The following VPS13B variants were observed in gnomAD, a reference collection of about 807,000 sequenced individuals.
The protein encoded by VPS13B is vacuolar protein sorting 13 homolog B.
VPS13B carries 285 observed loss-of-function variants against 426.4 expected under a neutral mutation model. The observed-to-expected ratio is 0.67, with a 90% CI of 0.61 to 0.74. VPS13B has a LOEUF of 0.74. Among genes scored for constraint, VPS13B ranks in the 30% least tolerant of loss-of-function variants. VPS13B has a pLI of 0.00. For synonymous variants in VPS13B, 1,676 were observed against 1,676.4 expected (o/e 1.00, Z 0.01); for missense variants, 4,537 against 4,782.6 (o/e 0.95, Z 1.51).
chr8:99,248,602 C>T (rs866422333), intron 17 of VPS13B, among the ~76,000 whole-genome samples: 7 of 152,120 alleles, frequency 4.6e-5, no homozygotes, highest in Middle Eastern at 3.4e-3. Flanking sequence ...CTATATTTCT[C>T]GTTTTTGACA....
intron 33 of VPS13B, among the ~76,000 whole-genome samples, chr8:99,586,672 A>G (rs1183851183): frequency 6.6e-6 from 1 of 152,176 alleles, no homozygotes; most frequent in Non-Finnish European, 1.5e-5. Flanking sequence ...TATTTTGCAC[A>G]TCTTTGAAAG....
chr8:99,570,479 C>T (rs1296171777), intron 31 of VPS13B, among the ~76,000 whole-genome samples: 1 of 151,946 alleles, frequency 6.6e-6, no homozygotes, highest in Non-Finnish European at 1.5e-5. Context: ...ATGTCTTTAA[C>T]TTTAGTAACT....
intron 35 of VPS13B, among the ~76,000 whole-genome samples, chr8:99,691,919 A>G (rs928509991): frequency 6.9e-4 from 104 of 151,202 alleles, no homozygotes; most frequent in Non-Finnish European, 1.0e-3. Flanking sequence ...CAGACTTTAA[A>G]CCAACAAAGA....
chr8:99,058,186 A>G (rs1052502327), intron 3 of VPS13B, among the ~76,000 whole-genome samples: 11 of 151,984 alleles, frequency 7.2e-5, no homozygotes, highest in African/African-American at 2.7e-4. Context: ...GTAGTGTGGA[A>G]TTTTCCAGAG....
chr8:99,373,346 A>G (rs934868623), intron 19 of VPS13B, among the ~76,000 whole-genome samples: 9 of 152,050 alleles, frequency 5.9e-5, no homozygotes, highest in Non-Finnish European at 8.8e-5. Flanking sequence ...AAAAAAGAAA[A>G]AGAAGTTCTG....
At chr8:99,040,404 A>C (rs1052441153) in intron 3 of VPS13B, among the ~76,000 whole-genome samples, 7 of 152,196 alleles carry the variant, frequency 4.6e-5, no homozygotes, top group African/African-American at 1.7e-4. Flanking sequence ...TATTTTTTAC[A>C]GATGTTTAAA....
chr8:99,745,970 A>G (rs1162746126), intron 39 of VPS13B, among the ~76,000 whole-genome samples: 1 of 152,054 alleles, frequency 6.6e-6, no homozygotes, highest in Non-Finnish European at 1.5e-5. Context: ...TTGAATAAGG[A>G]TCCCGCTGAG....
intron 22 of VPS13B, among the ~76,000 whole-genome samples, chr8:99,440,591 A>C (rs956783931): frequency 6.6e-6 from 1 of 152,148 alleles, no homozygotes; most frequent in Non-Finnish European, 1.5e-5. Context: ...TCATTAAAGG[A>C]ACTCTCACAA....
At position 99,875,529 on chromosome 8, in the gene VPS13B, T is replaced by C; in HGVS notation, c.11857T>C (p.Cys3953Arg). The part of the protein sequence containing the change: ...APSCSSMQIP[C>R]PVVAAEPPPS... ...CAGCTGTTCTTCCATGCAAATACCA[T>C]GCCCTGTGGTGGCTGCAGAACCTCC... Residue 3953 changes from cysteine (C) to arginine (R), a missense_variant, in exon 62 of 62, where the codon TGC (cysteine) becomes CGC (arginine). Cys to Arg is a radical substitution (Grantham distance 180). Transcript: ENST00000357162. 1 of 1,614,076 alleles carries C rather than the reference T, an allele frequency of 6.2e-7. No individual in the cohort carries two copies. The highest frequency in any genetic ancestry group is 8.5e-7 in the Non-Finnish European group (1 of 1,179,946).
intron 43 of VPS13B, among the ~76,000 whole-genome samples, chr8:99,805,379 A>G (rs1813348547): frequency 1.3e-5 from 2 of 152,152 alleles, no homozygotes; most frequent in African/African-American, 4.8e-5. Flanking sequence ...TACCTTTATC[A>G]TTTATGTTTT....
intron 19 of VPS13B, among the ~76,000 whole-genome samples, chr8:99,319,004 A>C (rs1367622887): frequency 6.6e-6 from 1 of 152,192 alleles, no homozygotes; most frequent in Non-Finnish European, 1.5e-5. Flanking sequence ...TCCCTTTACT[A>C]TCTTGAAATA....
chr8:99,653,693 A>G (rs1774264820), intron 34 of VPS13B, among the ~76,000 whole-genome samples: 1 of 152,182 alleles, frequency 6.6e-6, no homozygotes, highest in Admixed American at 6.5e-5. Flanking sequence ...TAAAGAATAC[A>G]CTTCCTTCTA....
rs188384360 is a variant in VPS13B, at chr8:99,130,513, C to T, written c.1207-4119C>T. 3.5e-3 allele frequency among the ~76,000 whole-genome samples: 526 copies of T among 151,706 alleles called. 5 individuals are homozygous for T. Among genetic ancestry groups the T allele is most frequent in the African/African-American group, 0.012 (503 of 41,358 alleles). ...CGCCATTCTCCTGCCTCAGCCTCCC[C>T]AGTAGCTGGGACTACAGGTGCCCGC... On this transcript the variant is annotated intron_variant, in intron 8 of 61. Transcript: ENST00000357162.
chr8:99,306,994 T>C (rs1820673475), intron 19 of VPS13B, among the ~76,000 whole-genome samples: 2 of 152,118 alleles, frequency 1.3e-5, no homozygotes, highest in African/African-American at 2.4e-5. Flanking sequence ...TAAGCTGTAA[T>C]TAATTAACTC....
intron 19 of VPS13B, among the ~76,000 whole-genome samples, chr8:99,382,830 T>C (rs1006504060): frequency 1.3e-5 from 2 of 152,170 alleles, no homozygotes; most frequent in Admixed American, 1.3e-4. Flanking sequence ...CTGATTGCTC[T>C]GGCCAGGATT....
chr8:99,013,565 A>G (rs1841434600), intron 1 of VPS13B, among the ~76,000 whole-genome samples, 195 bp from the exon 2 acceptor site: 1 of 152,044 alleles, frequency 6.6e-6, no homozygotes, highest in Non-Finnish European at 1.5e-5. Flanking sequence ...TTCCTCCCTC[A>G]CTTCGCTTGG....
intron 33 of VPS13B, among the ~76,000 whole-genome samples, chr8:99,592,133 C>T (rs945789201): frequency 2.6e-5 from 4 of 151,994 alleles, no homozygotes; most frequent in African/African-American, 7.2e-5. Context: ...GCATGTGTCA[C>T]GTAGCTCTCA....
chr8:99,293,164 A>T (rs2133050309), intron 19 of VPS13B, among the ~76,000 whole-genome samples: 1 of 147,826 alleles, frequency 6.8e-6, no homozygotes, highest in South Asian at 2.2e-4. Context: ...ACAGTAACCA[A>T]AACAGCATGG....
chr8:99,075,400 CTT>C (rs1845065907), intron 3 of VPS13B, among the ~76,000 whole-genome samples: 1 of 152,100 alleles, frequency 6.6e-6, no homozygotes, highest in African/African-American at 2.4e-5. Flanking sequence ...GTACCACACA[CTT>C]TTAAAAACTC....
Sources: gnomAD v4.1 joint callset for allele counts (sites outside exome capture counted in the v4.1 genomes callset) on GRCh38, gnomAD v4.1.1 for gene constraint, MANE v1.5 for transcripts, NCBI Gene and HGNC (gene_info 2026-07-23, HGNC 2026-07-21) for gene names.